Variants in BFAR observed in about 807,000 individuals in gnomAD.
BFAR encodes RING finger protein 47.
In BFAR, 52 loss-of-function variants were observed where a neutral mutation model predicts 54.4. That is an observed-to-expected ratio of 0.96 (90% CI 0.77 to 1.21). The LOEUF (loss-of-function observed/expected upper bound fraction) is 1.21, where lower values mean the gene tolerates loss of function less well. Among genes scored for constraint, BFAR ranks in the 50% most tolerant of loss-of-function variants. The probability of loss-of-function intolerance (pLI) is 0.00; values close to 1 mark genes in which losing one functional copy is unlikely to be tolerated. For synonymous variants in BFAR, 215 were observed against 204.3 expected (o/e 1.05, Z -0.45); for missense variants, 571 against 534.0 (o/e 1.07, Z -0.68).
intron 1 of BFAR, among the ~76,000 whole-genome samples, chr16:14,633,870 C>G (rs1244267709): frequency 6.6e-6 from 1 of 152,134 alleles, no homozygotes; most frequent in Non-Finnish European, 1.5e-5. Context: ...TCAGACTGTT[C>G]TCGAACTCCT....
chr16:14,654,399 G>A (rs1960062100), intron 4 of BFAR, among the ~76,000 whole-genome samples: 1 of 151,686 alleles, frequency 6.6e-6, no homozygotes, highest in African/African-American at 2.4e-5. Flanking sequence ...TATGTGAGAG[G>A]TCAGAGCGTA....
rs1351393902 is a variant in BFAR at position 14,668,971 on chromosome 16, C to T, written c.*1144C>T. 3 of 413,878 alleles carry T rather than the reference C, an allele frequency of 7.2e-6. No individual in the cohort carries two copies. Among genetic ancestry groups the T allele is most frequent in the Admixed American group, 2.7e-5 (1 of 37,556 alleles). The allele number at this position is 413,878 out of a possible 1,614,324, so 25.6% of individuals were successfully genotyped here. A position where few individuals can be genotyped will look rare whatever the true frequency, so the allele number is the denominator to read the frequency against. On this transcript the variant is annotated 3_prime_UTR_variant, in exon 8 of 8. Coordinates refer to ENST00000261658, the MANE Select transcript of BFAR (RefSeq NM_016561.3). ...ATGTATAATACAGCAGGTATAATTA[C>T]ACCAAGCGCTATAGTTATAAATATG... is the stretch of plus-strand genomic sequence containing the variant.
intron 6 of BFAR, 34 bp from the exon 7 acceptor site, chr16:14,664,835 C>T (rs374047018): frequency 6.4e-7 from 1 of 1,574,796 alleles, no homozygotes; most frequent in Non-Finnish European, 8.7e-7. Flanking sequence ...AGTCAGTCCT[C>T]ATGACTTTTT....
chr16:14,654,493 C>CA (rs1960065050), intron 4 of BFAR, among the ~76,000 whole-genome samples: 1 of 89,140 alleles, frequency 1.1e-5, no homozygotes, highest in African/African-American at 4.8e-5. Flanking sequence ...GTGAGTTTTC[C>CA]TTTTTTTTTT....
intron 4 of BFAR, among the ~76,000 whole-genome samples, chr16:14,652,426 G>T (rs532394683): frequency 6.6e-6 from 1 of 151,240 alleles, no homozygotes; most frequent in African/African-American, 2.4e-5. Context: ...GATTATAGGC[G>T]CCTGCCATCA....
rs138169874 is a variant in BFAR at position 14,643,964 on chromosome 16, A to G, written c.-73-310A>G. ...ATCACGAGGTCAGGAGATCGAGACC[A>G]TCTTGGCTAACACGGTGAAACCCCG... is the stretch of plus-strand genomic sequence containing the variant. On this transcript the variant is annotated intron_variant, in intron 1 of 7. Coordinates refer to ENST00000261658, the MANE Select transcript of BFAR (RefSeq NM_016561.3). The G allele has an allele frequency of 2.3e-3, 430 of 185,754 alleles. 16 individuals carry two copies. In the East Asian group the frequency reaches 0.055, roughly 24 times the overall value. The allele number at this position is 185,754 out of a possible 1,614,324, so 11.5% of individuals were successfully genotyped here.
intron 5 of BFAR, among the ~76,000 whole-genome samples, chr16:14,659,011 G>A (rs991014249): frequency 1.3e-5 from 2 of 151,296 alleles, no homozygotes; most frequent in Admixed American, 6.6e-5. Context: ...AGGTTCGAGC[G>A]ATTCCCCTGC....
rs532225256 is a variant in BFAR at position 14,636,812 on chromosome 16, CGCAGTGT to C, written c.-74+3795_-74+3801del. 1.4e-4 allele frequency among the ~76,000 whole-genome samples: 22 copies of C among 152,322 alleles called. 1 individual carries two copies. The South Asian group carries it at 4.6e-3, about 32-fold the overall frequency. On this transcript the variant is annotated intron_variant, in intron 1 of 7. Transcript: ENST00000261658. ...CTAGGCAGAGGTCCCTGCGGGCTTCCGCAGTGTTTGCGTCCCTGGGTACTTGAGATTA... is the reference window on the plus strand; with the variant it reads ...CTAGGCAGAGGTCCCTGCGGGCTTCCTTGCGTCCCTGGGTACTTGAGATTA...
rs754782060 is a variant in BFAR, at chr16:14,667,755, G to C, written c.1281G>C (p.Leu427=). The C allele has an allele frequency of 1.2e-6, 2 of 1,614,130 alleles. No individual in the cohort carries two copies. The highest frequency in any genetic ancestry group is 3.3e-5 in the Admixed American group (2 of 59,994). The stretch of plus-strand genomic sequence containing the variant: ...GCAACTGTTTGTTTTACTGGGCCCT[G>C]TACTTTAACCCAATTATTAACATTG... ...FVCNCLFYWA[L]YFNPIINIDL... The change falls in exon 8 of 8, where the codon CTG becomes CTC. Residue 427 remains leucine (L), a synonymous_variant. Coordinates refer to ENST00000261658, the MANE Select transcript of BFAR (RefSeq NM_016561.3).
chr16:14,648,917 G>C (rs767027129), intron 3 of BFAR, among the ~76,000 whole-genome samples: 1 of 152,010 alleles, frequency 6.6e-6, no homozygotes, highest in Non-Finnish European at 1.5e-5. Flanking sequence ...CTGGAGTGCA[G>C]TGGTGCGATC....
intron 6 of BFAR, among the ~76,000 whole-genome samples, chr16:14,663,456 T>G (rs1197986799): frequency 6.6e-6 from 1 of 151,930 alleles, no homozygotes; most frequent in African/African-American, 2.4e-5. Context: ...CTCAGCCTCC[T>G]GAGTAGCTGG....
intron 5 of BFAR, among the ~76,000 whole-genome samples, chr16:14,661,372 G>T (rs1384025882): frequency 7.2e-6 from 1 of 138,934 alleles, no homozygotes; most frequent in Non-Finnish European, 1.6e-5. Context: ...CCTCCCCCCA[G>T]CTAGAGCTAG....
At position 14,644,432 on chromosome 16, in the gene BFAR, T is replaced by A. The variant is rs767748517; in HGVS notation, c.86T>A (p.Val29Asp). 2 of 1,613,920 alleles carry A rather than the reference T, an allele frequency of 1.2e-6. No individual in the cohort carries two copies. The highest frequency in any genetic ancestry group is 2.2e-5 in the South Asian group (2 of 91,078). Residue 29 changes from valine to aspartate, a missense_variant, in exon 2 of 8, where the codon GTT becomes GAT. Coordinates refer to ENST00000261658, the MANE Select transcript of BFAR (RefSeq NM_016561.3). ...AAAAGCACCGGCCCTCAGATTTCTGTTAGTGAATTTTCTTGCCACTGCTGC... is the reference window on the plus strand; with the variant it reads ...AAAAGCACCGGCCCTCAGATTTCTGATAGTGAATTTTCTTGCCACTGCTGC... ...PLKSTGPQIS[V>D]SEFSCHCCYD...
At chr16:14,666,338 A>C (rs1960439649) in intron 7 of BFAR, among the ~76,000 whole-genome samples, 1 of 152,188 alleles carries the variant, frequency 6.6e-6, no homozygotes. Context: ...TGGGAGGCCA[A>C]GGCAGGTGGA....
intron 6 of BFAR, among the ~76,000 whole-genome samples, chr16:14,663,694 C>G (rs1450964730): frequency 6.6e-6 from 1 of 151,804 alleles, no homozygotes; most frequent in East Asian, 1.9e-4. Context: ...CCTGCCATCA[C>G]AAAAAAAATT....
At chr16:14,644,686 T>TTA (rs1248934552) in intron 2 of BFAR, 77 bp downstream of exon 2, 6 of 1,311,684 alleles carry the variant, frequency 4.6e-6, no homozygotes, top group Admixed American at 2.1e-5. Flanking sequence ...TTTTTTTTTT[T>TTA]AACAGAGATG....
intron 2 of BFAR, among the ~76,000 whole-genome samples, chr16:14,645,856 CACAT>C (rs988077063): frequency 6.6e-6 from 1 of 152,004 alleles, no homozygotes; most frequent in Non-Finnish European, 1.5e-5. Flanking sequence ...CACATACACA[CACAT>C]ACATACATTC....
intron 1 of BFAR, among the ~76,000 whole-genome samples, chr16:14,636,345 G>A (rs1959441179): frequency 6.6e-6 from 1 of 152,204 alleles, no homozygotes; most frequent in Non-Finnish European, 1.5e-5. Context: ...CTCAGAGAGG[G>A]GGATGTGGCA....
chr16:14,653,692 C>A (rs921791736), intron 4 of BFAR, among the ~76,000 whole-genome samples: 6 of 152,092 alleles, frequency 3.9e-5, no homozygotes, highest in Non-Finnish European at 8.8e-5. Context: ...TAAATTAAAT[C>A]CCTACCTTAA....
Sources: allele counts gnomAD v4.1 joint callset (sites outside exome capture counted in the v4.1 genomes callset), GRCh38; gene constraint gnomAD v4.1.1; transcripts MANE v1.5; gene names NCBI Gene and HGNC (gene_info 2026-07-23, HGNC 2026-07-21).